Variants in SAMHD1 observed in about 807,000 individuals in gnomAD.
SAMHD1 encodes SAM and HD domain containing deoxynucleoside triphosphate triphosphohydrolase 1.
A neutral mutation model predicts 79.6 loss-of-function variants in SAMHD1; 54 were observed. The observed-to-expected ratio is 0.68, with a 90% CI of 0.55 to 0.85. The LOEUF is 0.85. SAMHD1 is among the 40% of genes least tolerant of loss of function. The probability of loss-of-function intolerance (pLI) is 0.00; values close to 1 mark genes in which losing one functional copy is unlikely to be tolerated. For synonymous variants in SAMHD1, 260 were observed against 264.1 expected (o/e 0.98, Z 0.15); for missense variants, 663 against 782.7 (o/e 0.85, Z 1.82).
chr20:36,927,759 C>T (rs367549529), intron 5 of SAMHD1, among the ~76,000 whole-genome samples: 7 of 152,182 alleles, frequency 4.6e-5, no homozygotes, highest in African/African-American at 1.7e-4. Flanking sequence ...GAAAAGTAAG[C>T]TCTCCATCGA....
intron 6 of SAMHD1, among the ~76,000 whole-genome samples, chr20:36,924,670 C>T (rs2063526013): frequency 6.6e-6 from 1 of 152,126 alleles, no homozygotes; most frequent in African/African-American, 2.4e-5. Flanking sequence ...TGTTCTATTT[C>T]AATGCCTCTC....
intron 6 of SAMHD1, among the ~76,000 whole-genome samples, chr20:36,923,280 C>T (rs1601135288): frequency 2.6e-5 from 4 of 151,972 alleles, no homozygotes; most frequent in East Asian, 3.9e-4. Flanking sequence ...ATTACAGGCG[C>T]GAGCCACCAC....
rs568694185 is a variant in SAMHD1, at chr20:36,895,110, T to A, written c.1747-2044A>T. Among the ~76,000 whole-genome samples the A allele has an allele frequency of 1.7e-4, 26 of 152,194 alleles. No homozygotes were observed. In the East Asian group the frequency reaches 5.0e-3, roughly 29 times the overall value. On this transcript the variant is annotated intron_variant, in intron 15 of 15. Coordinates refer to ENST00000646673, the MANE Select transcript of SAMHD1 (RefSeq NM_015474.4). ...AATTTTATAAATGTAAACAAATACG[T>A]CACTTTCCTGCTTAAAACCCTTCAG...
chr20:36,940,066 G>A (rs6102890), intron 3 of SAMHD1: 28,947 of 152,036 alleles, frequency 0.19, 3,087 homozygotes, highest in African/African-American at 0.28. Context: ...CATTAGCCGG[G>A]TGTGGTGGTG....
At chr20:36,932,641 T>C (rs1157414789) in intron 4 of SAMHD1, among the ~76,000 whole-genome samples, 1 of 151,916 alleles carries the variant, frequency 6.6e-6, no homozygotes, top group Non-Finnish European at 1.5e-5. Flanking sequence ...GATCTTGAAC[T>C]CCTGACCTCA....
intron 7 of SAMHD1, among the ~76,000 whole-genome samples, chr20:36,918,817 A>AAG (rs1464052952): frequency 1.3e-5 from 2 of 150,144 alleles, no homozygotes; most frequent in Admixed American, 1.3e-4. Context: ...AAAAAAAAAA[A>AAG]AAAAAAAGAA....
At chr20:36,936,565 C>T (rs2063605022) in intron 3 of SAMHD1, among the ~76,000 whole-genome samples, 2 of 152,024 alleles carry the variant, frequency 1.3e-5, no homozygotes, top group African/African-American at 2.4e-5. Context: ...CTCAGCCTCC[C>T]GAAGTGCTGG....
Position 36,939,075 on chromosome 20 carries a change from C to CAAAAAAAAAAAAAAAAAA in SAMHD1, c.348+1946_348+1963dup, listed in dbSNP as rs1178988134. ...GAAACCTTGCCTCTACTAAAAATAC[C>CAAAAAAAAAAAAAAAAAA]AAAAAAAAAAAAAAAAAAAAAAAAA... On this transcript the variant is annotated intron_variant, in intron 3 of 15. Coordinates refer to ENST00000646673, the MANE Select transcript of SAMHD1 (RefSeq NM_015474.4). Among the ~76,000 whole-genome samples, 10 of 22,530 alleles carry CAAAAAAAAAAAAAAAAAA rather than the reference C, an allele frequency of 4.4e-4. 1 individual carries two copies. Among genetic ancestry groups the CAAAAAAAAAAAAAAAAAA allele is most frequent in the Admixed American group, 9.1e-4 (1 of 1,104 alleles). The allele number at this position is 22,530 out of a possible 152,430, so 14.8% of individuals were successfully genotyped here.
At position 36,947,567 on chromosome 20, in the gene SAMHD1, T is replaced by C. The variant is rs996142500; in HGVS notation, c.209-763A>G. On this transcript the variant is annotated intron_variant, in intron 1 of 15. Transcript: ENST00000646673. ...TGGAAGAGGGGTGTGTGTGTGTGTGTGTGTGTGTGTGTGTGTGTGTGTGTT... is the reference window on the plus strand; with the variant it reads ...TGGAAGAGGGGTGTGTGTGTGTGTGCGTGTGTGTGTGTGTGTGTGTGTGTT... 2.7e-5 allele frequency among the ~76,000 whole-genome samples: 4 copies of C among 150,016 alleles called. No individual in the cohort carries two copies. The East Asian group carries it at 7.9e-4, about 30-fold the overall frequency.
intron 13 of SAMHD1, among the ~76,000 whole-genome samples, chr20:36,902,032 TA>T (rs749943328): frequency 2.0e-5 from 3 of 152,172 alleles, no homozygotes; most frequent in Non-Finnish European, 4.4e-5. Context: ...GAGAAAGGTC[TA>T]AGGAGTTGCT....
rs544083526 is a variant in SAMHD1 at position 36,905,394 on chromosome 20, C to T, written c.1380G>A (p.Thr460=). Residue 460 remains threonine (T), a synonymous_variant, in exon 12 of 16, where the codon ACG becomes ACA. Transcript: ENST00000646673. Reference sequence around the variant, plus strand: ...TAATCTTTATTTGTCCTGTTGGCTGCGTCTCACCCACATACTTGAATAGAT... The same window carrying T: ...TAATCTTTATTTGTCCTGTTGGCTGTGTCTCACCCACATACTTGAATAGAT... ...YRNLFKYVGE[T]QPTGQIKIKR... The T allele has an allele frequency of 5.0e-6, 8 of 1,613,890 alleles. No homozygotes were observed. The highest frequency in any genetic ancestry group is 6.8e-6 in the Non-Finnish European group (8 of 1,179,958).
At chr20:36,926,917 G>T (rs557394453) in intron 6 of SAMHD1, 62 of 381,978 alleles carry the variant, frequency 1.6e-4, no homozygotes, top group Non-Finnish European at 1.4e-4. Flanking sequence ...AGTATTTAAC[G>T]GCTTTGTGAT....
intron 3 of SAMHD1, among the ~76,000 whole-genome samples, chr20:36,939,075 CAAA>C (rs1178988134): frequency 3.1e-4 from 7 of 22,530 alleles, no homozygotes; most frequent in East Asian, 1.9e-3. Flanking sequence ...CTAAAAATAC[CAAA>C]AAAAAAAAAA....
chr20:36,935,514 G>A (rs918282581), intron 3 of SAMHD1: 3 of 346,092 alleles, frequency 8.7e-6, no homozygotes, highest in Admixed American at 4.4e-5. Context: ...TATTCATTTC[G>A]ATTTAAACAC....
At chr20:36,904,397 T>C in intron 12 of SAMHD1, 148 bp from the exon 13 acceptor site, 1 of 688,952 alleles carries the variant, frequency 1.5e-6, no homozygotes, top group Non-Finnish European at 2.6e-6. Context: ...ATGTCACTCG[T>C]TAAACAAAGA....
intron 13 of SAMHD1, among the ~76,000 whole-genome samples, chr20:36,902,336 C>A (rs1480015528): frequency 1.3e-5 from 2 of 152,158 alleles, no homozygotes; most frequent in Non-Finnish European, 2.9e-5. Flanking sequence ...GCACCCACCA[C>A]CATCCCTGGC....
chr20:36,944,158 T>C (rs960481230), intron 2 of SAMHD1, among the ~76,000 whole-genome samples: 4 of 142,522 alleles, frequency 2.8e-5, no homozygotes, highest in Admixed American at 1.4e-4. Context: ...CCATCCTGGC[T>C]AACACGATGA....
At chr20:36,902,425 G>A (rs888753389) in intron 13 of SAMHD1, among the ~76,000 whole-genome samples, 16 of 152,130 alleles carry the variant, frequency 1.1e-4, no homozygotes, top group African/African-American at 3.6e-4. Flanking sequence ...TCAGGTGATC[G>A]TCCGCCTCGG....
At chr20:36,924,441 A>G (rs2063525054) in intron 6 of SAMHD1, among the ~76,000 whole-genome samples, 2 of 152,124 alleles carry the variant, frequency 1.3e-5, no homozygotes, top group Admixed American at 1.3e-4. Flanking sequence ...AAAAGAAAAG[A>G]GCATAAATCA....
Sources: allele counts gnomAD v4.1 joint callset (sites outside exome capture counted in the v4.1 genomes callset), GRCh38; gene constraint gnomAD v4.1.1; transcripts MANE v1.5; gene names NCBI Gene and HGNC (gene_info 2026-07-23, HGNC 2026-07-21).